AKR1C2: variants seen among roughly 807,000 people sequenced by gnomAD.
AKR1C2 encodes 3-alpha-HSD3.
In AKR1C2, 27 loss-of-function variants were observed where a neutral mutation model predicts 39.8. The ratio of observed to expected loss-of-function variants is 0.68; its 90% CI spans 0.50 to 0.93. The LOEUF is 0.93. AKR1C2 is among the 40% of genes least tolerant of loss of function. AKR1C2 has a pLI of 0.00. For missense variants in AKR1C2, 263 were observed against 365.1 expected (o/e 0.72, Z 2.28); for synonymous variants, 114 against 137.9 (o/e 0.83, Z 1.22).
At chr10:5,000,481 A>T in intron 3 of AKR1C2, 69 bp downstream of exon 3, 1 of 1,613,442 alleles carries the variant, frequency 6.2e-7, no homozygotes, top group Non-Finnish European at 8.5e-7. Flanking sequence ...GCTTAGTTCA[A>T]ATCTCCATGA....
At chr10:5,006,785 CTT>C (rs57936312), upstream of AKR1C2, among the ~76,000 whole-genome samples, 34,510 of 144,734 alleles carry the variant, frequency 0.24, 4,318 homozygotes, top group Middle Eastern at 0.38. Flanking sequence ...ATTTCAGCCT[CTT>C]TTTTTTTTTT....
chr10:5,011,230 AG>A (rs1372845237), intron 1 of AKR1C2, among the ~76,000 whole-genome samples: 1 of 152,198 alleles, frequency 6.6e-6, no homozygotes, highest in African/African-American at 2.4e-5. Flanking sequence ...CTCCATGCCT[AG>A]GCACACCTAC....
intron 7 of AKR1C2, among the ~76,000 whole-genome samples, chr10:4,994,302 G>C (rs1414525883): frequency 2.0e-5 from 3 of 151,720 alleles, no homozygotes; most frequent in Non-Finnish European, 4.4e-5. Context: ...TATAACTATT[G>C]ATATATTATT....
In AKR1C2 at chr10:5,003,802, C is replaced by T. The variant is rs1227335682; in HGVS notation, c.34G>A (p.Asp12Asn). ...DSKYQCVKLN[D>N]GHFMPVLGFG... ...CCCAGGACAGGCATGAAGTGACCAT[C>T]ATTCAGCTTCACACACTGGTATTTC... The change falls in exon 1 of 9, where the codon GAT (aspartate) becomes AAT (asparagine). Residue 12 changes from aspartate to asparagine, a missense_variant. Around this residue, in one of 3 missense-constraint regions of AKR1C2, gnomAD observed 247 missense variants for 267.9 expected, o/e 0.92. Coordinates refer to ENST00000380753, the MANE Select transcript of AKR1C2 (RefSeq NM_001393392.1). The T allele has an allele frequency of 1.9e-6, 3 of 1,614,112 alleles. No homozygotes were observed. The highest frequency in any genetic ancestry group is 2.5e-6 in the Non-Finnish European group (3 of 1,179,978).
rs149971559 is a variant in AKR1C2 at position 4,997,572 on chromosome 10, G to A, written c.570+1053C>T. ...TATACTCCATATAACATTGCAAAATGTTAGTAATTTTGAATATAAATGGTA... is the reference window on the plus strand; with the variant it reads ...TATACTCCATATAACATTGCAAAATATTAGTAATTTTGAATATAAATGGTA... On this transcript the variant is annotated intron_variant, in intron 5 of 8. Coordinates refer to ENST00000380753, the MANE Select transcript of AKR1C2 (RefSeq NM_001393392.1). Among the ~76,000 whole-genome samples the A allele has an allele frequency of 1.0e-3, 159 of 152,020 alleles. 2 individuals are homozygous for A. The East Asian group carries it at 0.024, about 23-fold the overall frequency.
intron 8 of AKR1C2, among the ~76,000 whole-genome samples, chr10:4,990,263 A>G (rs1588296293): frequency 6.6e-6 from 1 of 152,366 alleles, no homozygotes; most frequent in South Asian, 2.1e-4. Context: ...AACTTAACAC[A>G]TAAAACACAC....
chr10:5,017,698 G>T (rs1554775457), intron 1 of AKR1C2, among the ~76,000 whole-genome samples: 1 of 152,030 alleles, frequency 6.6e-6, no homozygotes, highest in African/African-American at 2.4e-5. Flanking sequence ...TACCTATCCA[G>T]TTCCAAATTT....
intron 5 of AKR1C2, among the ~76,000 whole-genome samples, chr10:4,996,369 C>A (rs1837039827): frequency 6.6e-6 from 1 of 151,328 alleles, no homozygotes; most frequent in South Asian, 2.1e-4. Context: ...TACATATACA[C>A]ATAAATACTG....
At chr10:4,995,677 C>T in intron 6 of AKR1C2, 79 bp downstream of exon 6, 1 of 1,462,220 alleles carries the variant, frequency 6.8e-7, no homozygotes, top group Non-Finnish European at 9.2e-7. Flanking sequence ...TGTGAGTGAA[C>T]TCCAGGAAAC....
intron 7 of AKR1C2, among the ~76,000 whole-genome samples, chr10:4,994,020 T>G (rs1465605608): frequency 1.3e-5 from 2 of 151,744 alleles, no homozygotes; most frequent in African/African-American, 4.8e-5. Context: ...TCTCTCGTTC[T>G]CTGTATCACT....
chr10:5,001,519 A>T lies in AKR1C2; in HGVS notation c.247T>A (p.Ser83Thr), dbSNP rs782559097. 15 of 1,613,378 alleles carry T rather than the reference A, an allele frequency of 9.3e-6. No homozygotes were observed. In the African/African-American group the frequency reaches 1.9e-4, roughly 20 times the overall value. ...GCTCATCATAGGCACAGTACCTTTG[A>T]AGTGTAGAATATGTCTTCTCTCTTC... ...SVKREDIFYT[S>T]KLWSNSHRPE... The change falls in exon 2 of 9, where the codon TCA becomes ACA. Residue 83 changes from serine to threonine, a missense_variant. Transcript: ENST00000380753.
intron 1 of AKR1C2, among the ~76,000 whole-genome samples, chr10:5,011,626 C>T (rs1473583659): frequency 6.6e-6 from 1 of 152,082 alleles, no homozygotes; most frequent in African/African-American, 2.4e-5. Context: ...GGTACAAGGA[C>T]AAGAGACCCC....
chr10:5,003,204 GTTTT>G (rs76620886), intron 1 of AKR1C2, among the ~76,000 whole-genome samples: 10,789 of 137,324 alleles, frequency 0.079, 452 homozygotes, highest in Middle Eastern at 0.13. Context: ...TTTGGTTCTA[GTTTT>G]TTTTTTTTTT....
chr10:4,989,239 C>T lies in AKR1C2; in HGVS notation c.*757G>A, dbSNP rs1189172722. 1.3e-5 allele frequency: 2 copies of T among 152,100 alleles called. No individual in the cohort carries two copies. The highest frequency in any genetic ancestry group is 2.9e-5 in the Non-Finnish European group (2 of 68,036). The allele number at this position is 152,100 out of a possible 1,614,324, so 9.4% of individuals were successfully genotyped here. A position where few individuals can be genotyped will look rare whatever the true frequency, so the allele number is the denominator to read the frequency against. On this transcript the variant is annotated 3_prime_UTR_variant, in exon 9 of 9. Transcript: ENST00000380753. ...GTCAACGTTGTGAATGGGCACACATCAAAGATTCAGGCCTGACTCTCAGCT... is the reference window on the plus strand; with the variant it reads ...GTCAACGTTGTGAATGGGCACACATTAAAGATTCAGGCCTGACTCTCAGCT...
intron 1 of AKR1C2, among the ~76,000 whole-genome samples, chr10:5,009,379 C>A (rs113767262): frequency 0.063 from 9,610 of 152,102 alleles, 561 homozygotes; most frequent in African/African-American, 0.15. Flanking sequence ...TTGTTCACCC[C>A]TCAAGCTCCT....
chr10:5,014,384 G>T (rs1346172943), intron 1 of AKR1C2, among the ~76,000 whole-genome samples: 2 of 152,146 alleles, frequency 1.3e-5, no homozygotes, highest in Non-Finnish European at 2.9e-5. Flanking sequence ...CTTTCCAAGT[G>T]AGCCTTCAGG....
chr10:4,988,939 T>C lies in AKR1C2; in HGVS notation c.*1057A>G, dbSNP rs782430803. 1 of 152,204 alleles carries C rather than the reference T, an allele frequency of 6.6e-6. No homozygotes were observed. Among genetic ancestry groups the C allele is most frequent in the Admixed American group, 6.5e-5 (1 of 15,272 alleles). 9.4% of individuals were successfully genotyped at this position (152,204 alleles called of 1,614,324 possible). Reference sequence around the variant, plus strand: ...CCAGTGTGCTGTTTTACATAGCCTGTTTCCAAAAGACATTTGAAGTCTTGG... The same window carrying C: ...CCAGTGTGCTGTTTTACATAGCCTGCTTCCAAAAGACATTTGAAGTCTTGG... On this transcript the variant is annotated 3_prime_UTR_variant, in exon 9 of 9. Transcript: ENST00000380753.
intron 1 of AKR1C2, chr10:5,010,777 T>G (rs1265233749): frequency 6.6e-6 from 1 of 152,150 alleles, no homozygotes; most frequent in African/African-American, 2.4e-5. Flanking sequence ...ATTGATATTT[T>G]CAAAAAGTTA....
At chr10:4,990,193 G>A (rs1443983127) in intron 8 of AKR1C2, among the ~76,000 whole-genome samples, 155 bp from the exon 9 acceptor site, 1 of 152,118 alleles carries the variant, frequency 6.6e-6, no homozygotes, top group East Asian at 1.9e-4. Context: ...TAATGAACGT[G>A]ACTTTATCAT....
Sources: allele counts gnomAD v4.1 joint callset (sites outside exome capture counted in the v4.1 genomes callset), GRCh38; gene constraint gnomAD v4.1.1; regional missense constraint gnomAD v4.1.1; transcripts MANE v1.5; gene names NCBI Gene and HGNC (gene_info 2026-07-23, HGNC 2026-07-21).